Variants in APOH observed in about 807,000 individuals in gnomAD.
The protein encoded by APOH is beta-2-glycoprotein 1.
Under a neutral mutation model 39.8 loss-of-function variants are expected in APOH, and 48 were observed. The observed-to-expected ratio is 1.21, with a 90% CI of 0.96 to 1.54. APOH has a LOEUF of 1.54. Among genes scored for constraint, APOH ranks in the 40% most tolerant of loss-of-function variants. APOH has a pLI of 0.00. For synonymous variants in APOH, 153 were observed against 151.1 expected, an observed-to-expected ratio of 1.01 and a Z score of -0.09; for missense variants, 415 against 421.2, an observed-to-expected ratio of 0.99 and a Z score of 0.13.
intron 5 of APOH, among the ~76,000 whole-genome samples, chr17:66,218,191 C>G (rs2073376943): frequency 6.6e-6 from 1 of 152,148 alleles, no homozygotes; most frequent in Non-Finnish European, 1.5e-5. Context: ...GCTTACTATT[C>G]CAAAGAAAAA....
chr17:66,220,756 G>T lies in APOH; in HGVS notation c.416-14C>A. On this transcript the variant is annotated splice_polypyrimidine_tract_variant and intron_variant, in intron 4 of 7. Transcript: ENST00000205948. ...GGCAGATGATGGCTGGGAAAATAAA[G>T]AACTATCATTTCTATGAAAATAGTT... 6.3e-7 allele frequency: 1 copy of T among 1,582,968 alleles called. No individual in the cohort carries two copies. Among genetic ancestry groups the T allele is most frequent in the South Asian group, 1.1e-5 (1 of 87,416 alleles).
At chr17:66,228,473 A>G in intron 1 of APOH, 2 of 365,032 alleles carry the variant, frequency 5.5e-6, no homozygotes, top group Non-Finnish European at 1.0e-5. Context: ...AAGAATCAGT[A>G]TCAATCCAGT....
At chr17:66,220,523 C>A (rs750022569) in intron 5 of APOH, 31 bp downstream of exon 5, 17 of 1,599,538 alleles carry the variant, frequency 1.1e-5, no homozygotes, top group Admixed American at 5.0e-5. Context: ...CTTGCCCTAC[C>A]ATGCGTATTT....
chr17:66,223,888 G>A (rs958451572), intron 3 of APOH, 114 bp from the exon 4 acceptor site: 49 of 898,014 alleles, frequency 5.5e-5, no homozygotes, highest in Admixed American at 2.0e-4. Context: ...CTTTTCCATC[G>A]TATAATGCTG....
chr17:66,217,154 T>C (rs1446474246), intron 5 of APOH, among the ~76,000 whole-genome samples, 187 bp from the exon 6 acceptor site: 1 of 152,142 alleles, frequency 6.6e-6, no homozygotes, highest in African/African-American at 2.4e-5. Context: ...ACCCTGGATA[T>C]TAAAAAAGAA....
chr17:66,228,877 GA>G (rs2073455982), intron 1 of APOH, among the ~76,000 whole-genome samples: 1 of 151,632 alleles, frequency 6.6e-6, no homozygotes, highest in Non-Finnish European at 1.5e-5. Flanking sequence ...TTGTTGCCCA[GA>G]CTGGAGTGCA....
At chr17:66,214,716 G>T in intron 6 of APOH, 66 bp from the exon 7 acceptor site, 1 of 1,426,768 alleles carries the variant, frequency 7.0e-7, no homozygotes, top group Non-Finnish European at 9.8e-7. Context: ...AGAGAGTATA[G>T]CATTTGAAAC....
At chr17:66,216,507 A>G (rs1166631765) in intron 6 of APOH, among the ~76,000 whole-genome samples, 2 of 151,704 alleles carry the variant, frequency 1.3e-5, no homozygotes, top group Admixed American at 6.6e-5. Context: ...AAGAGTGCTC[A>G]GAGGCAAAGA....
Position 66,220,616 on chromosome 17 carries a change from A to G in APOH, c.542T>C (p.Phe181Ser). The stretch of plus-strand genomic sequence containing the variant: ...CGTGCAGGTAATTGTATCATTTCCA[A>G]ACATCGCATGTTGTGGCAAACATTC... Reference protein sequence around the residue: ...VFECLPQHAMFGNDTITCTTH... With the variant: ...VFECLPQHAMSGNDTITCTTH... The change falls in exon 5 of 8, where the codon TTT (phenylalanine) becomes TCT (serine). Residue 181 changes from phenylalanine to serine, a missense_variant. By Grantham distance (155) the Phe-to-Ser change is radical. Coordinates refer to ENST00000205948, the MANE Select transcript of APOH (RefSeq NM_000042.3). The G allele has an allele frequency of 6.2e-7, 1 of 1,614,170 alleles. No individual in the cohort carries two copies. Among genetic ancestry groups the G allele is most frequent in the Non-Finnish European group, 8.5e-7 (1 of 1,180,028 alleles).
chr17:66,226,120 T>A lies in APOH; in HGVS notation c.246A>T (p.Arg82Ser). 1 of 1,607,010 alleles carries A rather than the reference T, an allele frequency of 6.2e-7. No individual in the cohort carries two copies. The highest frequency in any genetic ancestry group is 8.5e-7 in the Non-Finnish European group (1 of 1,177,000). Residue 82 changes from arginine (R) to serine (S), a missense_variant, in exon 3 of 8, where the codon AGA becomes AGT. Physicochemically the swap from Arg to Ser is moderately radical, Grantham distance 110. Coordinates refer to ENST00000205948, the MANE Select transcript of APOH (RefSeq NM_000042.3). ...WPINTLKCTPRVCPFAGILEN... is the reference protein window; with the variant it reads ...WPINTLKCTPSVCPFAGILEN... ...CTAAGATTCCAGCAAAAGGACATAC[T>A]CTGGCTGTGATACAAAGATAAAAAA... is the stretch of plus-strand genomic sequence containing the variant.
chr17:66,212,267 A>G, intron 7 of APOH, 79 bp from the exon 8 acceptor site: 22 of 1,256,168 alleles, frequency 1.8e-5, no homozygotes, highest in Non-Finnish European at 2.2e-5. Context: ...GCCAAACCAA[A>G]TACATTTTAC....
At chr17:66,224,441 TCTAGA>T (rs2073421737) in intron 3 of APOH, among the ~76,000 whole-genome samples, 1 of 114,938 alleles carries the variant, frequency 8.7e-6, no homozygotes, top group African/African-American at 3.6e-5. Flanking sequence ...GCCACTGCAC[TCTAGA>T]CTGAGCAACA....
At chr17:66,213,179 C>T (rs889163268) in intron 7 of APOH, among the ~76,000 whole-genome samples, 1 of 152,196 alleles carries the variant, frequency 6.6e-6, no homozygotes, top group Admixed American at 6.5e-5. Flanking sequence ...ACAAGATTGT[C>T]AATGTTTTTG....
chr17:66,227,723 T>C (rs1275190190), intron 2 of APOH, among the ~76,000 whole-genome samples: 4 of 152,228 alleles, frequency 2.6e-5, no homozygotes, highest in African/African-American at 4.8e-5. Flanking sequence ...TTTCAAAGCC[T>C]CTCCACTGTT....
At chr17:66,215,019 A>G (rs8178859) in intron 6 of APOH, among the ~76,000 whole-genome samples, 4,813 of 151,992 alleles carry the variant, frequency 0.032, 123 homozygotes, top group Middle Eastern at 0.061. Flanking sequence ...GCATCTATCC[A>G]CCAGCCATTG....
chr17:66,226,404 G>T (rs2073440007), intron 2 of APOH, among the ~76,000 whole-genome samples: 1 of 152,234 alleles, frequency 6.6e-6, no homozygotes, highest in South Asian at 2.1e-4. Flanking sequence ...TTGGGAGGCA[G>T]AGGAGGGTGG....
At chr17:66,221,374 A>AG (rs1208150240) in intron 4 of APOH, among the ~76,000 whole-genome samples, 2 of 78,582 alleles carry the variant, frequency 2.5e-5, no homozygotes, top group Admixed American at 2.5e-4. Flanking sequence ...AGGGGAGGGG[A>AG]GGGAGGGAGG....
chr17:66,223,638 G>A (rs1245577397), intron 4 of APOH, 60 bp downstream of exon 4: 3 of 1,439,900 alleles, frequency 2.1e-6, no homozygotes, highest in African/African-American at 2.8e-5. Flanking sequence ...GTGAGACTTT[G>A]AGTGCTAAAA....
chr17:66,227,746 G>A (rs952081115), intron 2 of APOH, among the ~76,000 whole-genome samples: 1 of 152,100 alleles, frequency 6.6e-6, no homozygotes, highest in Non-Finnish European at 1.5e-5. Context: ...TTTAACTTCT[G>A]TAGTGTTTCT....
Sources: allele counts gnomAD v4.1 joint callset (sites outside exome capture counted in the v4.1 genomes callset), GRCh38; gene constraint gnomAD v4.1.1; transcripts MANE v1.5; gene names NCBI Gene and HGNC (gene_info 2026-07-23, HGNC 2026-07-21).